SLC41A3: variants seen among roughly 807,000 people sequenced by gnomAD.
SLC41A3 encodes the protein solute carrier family 41 member 3, also known as SLC41A1-like 2.
A neutral mutation model predicts 45.4 loss-of-function variants in SLC41A3; 44 were observed. That is an observed-to-expected ratio of 0.97 (90% CI 0.76 to 1.25). SLC41A3 has a LOEUF of 1.25. SLC41A3 is among the 50% of genes most tolerant of loss of function. SLC41A3 has a pLI of 0.00. For missense variants in SLC41A3, 550 were observed against 600.6 expected, an observed-to-expected ratio of 0.92 and a Z score of 0.88; for synonymous variants, 256 against 252.4, an observed-to-expected ratio of 1.01 and a Z score of -0.13.
At chr3:126,028,123 A>G (rs1035153954) in intron 4 of SLC41A3, among the ~76,000 whole-genome samples, 2 of 152,258 alleles carry the variant, frequency 1.3e-5, no homozygotes, top group East Asian at 1.9e-4. Context: ...GAGAAATTCA[A>G]GCAGGCTGCA....
intron 2 of SLC41A3, among the ~76,000 whole-genome samples, chr3:126,052,568 A>G (rs954668250): frequency 3.3e-5 from 5 of 152,024 alleles, no homozygotes; most frequent in Non-Finnish European, 7.4e-5. Context: ...CTGCAACTCT[A>G]TGGCTCTCAC....
intron 7 of SLC41A3, among the ~76,000 whole-genome samples, chr3:126,015,955 C>G (rs1166965269): frequency 6.6e-6 from 1 of 152,246 alleles, no homozygotes; most frequent in Non-Finnish European, 1.5e-5. Flanking sequence ...CCCATGTTCT[C>G]AGAAAATGCT....
chr3:126,038,468 C>A lies in SLC41A3; in HGVS notation c.382-4790G>T, dbSNP rs145453001. Reference sequence around the variant, plus strand: ...ACCTCTCACACCAGTGTGCCCTGAACGCAGGACATGGAGTCAAGGGAGATT... The same window carrying A: ...ACCTCTCACACCAGTGTGCCCTGAAAGCAGGACATGGAGTCAAGGGAGATT... On this transcript the variant is annotated intron_variant, in intron 3 of 10. Coordinates refer to ENST00000360370, the MANE Select transcript of SLC41A3 (RefSeq NM_017836.4). Among the ~76,000 whole-genome samples, 150 of 152,338 alleles carry A rather than the reference C, an allele frequency of 9.8e-4. No homozygotes were observed. The Middle Eastern group carries it at 0.02, about 21-fold the overall frequency.
intron 2 of SLC41A3, chr3:126,057,154 T>C (rs1943722141): frequency 1.0e-6 from 1 of 985,246 alleles, no homozygotes; most frequent in South Asian, 4.7e-5. Context: ...TCAAGCAGTC[T>C]ATGGGTCCCC....
chr3:126,063,087 G>A (rs1245959357), intron 2 of SLC41A3, among the ~76,000 whole-genome samples: 2 of 152,178 alleles, frequency 1.3e-5, no homozygotes, highest in East Asian at 3.9e-4. Context: ...TCTCCTGGAA[G>A]CATAGGTTCT....
intron 8 of SLC41A3, among the ~76,000 whole-genome samples, chr3:126,014,539 T>A (rs1279074640): frequency 6.6e-6 from 1 of 152,224 alleles, no homozygotes; most frequent in African/African-American, 2.4e-5. Flanking sequence ...TCCCAAAAAA[T>A]CACTCCAACG....
chr3:126,010,861 T>C (rs1312206498), intron 9 of SLC41A3, among the ~76,000 whole-genome samples: 4 of 152,204 alleles, frequency 2.6e-5, no homozygotes, highest in Non-Finnish European at 5.9e-5. Flanking sequence ...AGGATAGCAA[T>C]AGAGGCTGAA....
Position 126,051,032 on chromosome 3 carries a change from C to A in SLC41A3, c.292G>T (p.Glu98Ter). Reference protein sequence around the residue: ...DYFQHWPVFVEVKDLLTLVPP... With the variant: ...DYFQHWPVFV Reference sequence around the variant, plus strand: ...ACCAATGTCAAAAGGTCTTTCACCTCCACAAACACAGGCCAGTGCTGGTAG... The same window carrying A: ...ACCAATGTCAAAAGGTCTTTCACCTACACAAACACAGGCCAGTGCTGGTAG... Residue 98 changes from glutamate to a stop codon, truncating the protein, a stop_gained, in exon 3 of 11, where the codon GAG becomes TAG. Coordinates refer to ENST00000360370, the MANE Select transcript of SLC41A3 (RefSeq NM_017836.4). LOFTEE classifies it high-confidence loss of function. 6.2e-7 allele frequency: 1 copy of A among 1,610,548 alleles called. No homozygotes were observed.
At chr3:126,010,341 G>A (rs924300025) in intron 9 of SLC41A3, among the ~76,000 whole-genome samples, 14 of 152,238 alleles carry the variant, frequency 9.2e-5, no homozygotes, top group Admixed American at 3.9e-4. Flanking sequence ...GTATGGTGGC[G>A]CACACCTGTA....
chr3:126,008,855 G>C lies in SLC41A3; in HGVS notation c.1131C>G (p.Val377=). ...GGCCTGGGACCACCAGCAAGAGCAG[G>C]ACTCGAGCTGACATGGAATTGATTT... ...TSEINSMSAR[V]LLLLVVPGHL... Residue 377 remains valine (V), a synonymous_variant, in exon 10 of 11, where the codon GTC becomes GTG. Coordinates refer to ENST00000360370, the MANE Select transcript of SLC41A3 (RefSeq NM_017836.4). 1 of 1,614,152 alleles carries C rather than the reference G, an allele frequency of 6.2e-7. No individual in the cohort carries two copies. The highest frequency in any genetic ancestry group is 2.2e-5 in the East Asian group (1 of 44,872).
At chr3:126,042,904 T>C (rs35332488) in intron 3 of SLC41A3, among the ~76,000 whole-genome samples, 44,527 of 151,228 alleles carry the variant, frequency 0.29, 6,731 homozygotes, top group African/African-American at 0.35. Context: ...TTAATGGAAT[T>C]ACAGAACACT....
rs746369694 is a variant in SLC41A3, at chr3:126,033,638, CTG to C, written c.420_421del (p.His140GlnfsTer101). On this transcript the variant is annotated frameshift_variant, in exon 4 of 11. Coordinates refer to ENST00000360370, the MANE Select transcript of SLC41A3 (RefSeq NM_017836.4). LOFTEE classifies it high-confidence loss of function. Reference sequence around the variant, plus strand: ...GAGGGCCAGGTTGCTGCTGATGACTCTGTGCTGCTCCTGGGGGTCATCAATTT... The same window carrying C: ...GAGGGCCAGGTTGCTGCTGATGACTCTGCTGCTCCTGGGGGTCATCAATTT... The C allele has an allele frequency of 5.0e-6, 8 of 1,613,134 alleles. No homozygotes were observed. Among genetic ancestry groups the C allele is most frequent in the Non-Finnish European group, 5.9e-6 (7 of 1,179,890 alleles).
chr3:126,083,360 G>C (rs1945259693), intron 1 of SLC41A3, among the ~76,000 whole-genome samples: 1 of 152,166 alleles, frequency 6.6e-6, no homozygotes, highest in South Asian at 2.1e-4. Flanking sequence ...AAAAAAGTGG[G>C]ATTTGATCAC....
intron 3 of SLC41A3, among the ~76,000 whole-genome samples, chr3:126,050,116 T>A: frequency 6.6e-6 from 1 of 152,180 alleles, no homozygotes; most frequent in East Asian, 1.9e-4. Flanking sequence ...CTCTTCCCTA[T>A]AAGTTAACAT....
intron 7 of SLC41A3, 119 bp from the exon 8 acceptor site, chr3:126,015,692 TC>T: frequency 4.3e-6 from 4 of 934,504 alleles, no homozygotes; most frequent in Non-Finnish European, 5.1e-6. Flanking sequence ...CACTCTCCTC[TC>T]CCCTACACAA....
chr3:126,034,886 T>C (rs1171192402), intron 3 of SLC41A3, among the ~76,000 whole-genome samples: 2 of 152,230 alleles, frequency 1.3e-5, no homozygotes, highest in African/African-American at 2.4e-5. Context: ...TTATCATCTA[T>C]AAAACAGTTA....
chr3:126,046,185 G>C (rs10934743), intron 3 of SLC41A3, among the ~76,000 whole-genome samples: 48,106 of 152,118 alleles, frequency 0.32, 9,107 homozygotes, highest in East Asian at 0.52. Context: ...ATCAGGAACA[G>C]GACAAGGATG....
intron 3 of SLC41A3, among the ~76,000 whole-genome samples, chr3:126,040,747 T>C (rs1942535179): frequency 6.6e-6 from 1 of 152,180 alleles, no homozygotes; most frequent in Non-Finnish European, 1.5e-5. Context: ...AGTCAACACA[T>C]TCTGAGTGCC....
intron 1 of SLC41A3, among the ~76,000 whole-genome samples, chr3:126,069,456 G>T (rs1944513691): frequency 6.6e-6 from 1 of 152,108 alleles, no homozygotes; most frequent in Non-Finnish European, 1.5e-5. Flanking sequence ...ATGTTTGCAG[G>T]ATTGGTCCAG....
Sources: allele counts gnomAD v4.1 joint callset (sites outside exome capture counted in the v4.1 genomes callset), GRCh38; gene constraint gnomAD v4.1.1; transcripts MANE v1.5; gene names NCBI Gene and HGNC (gene_info 2026-07-23, HGNC 2026-07-21).